HS3ST4: variants seen among roughly 807,000 people sequenced by gnomAD.
The protein encoded by HS3ST4 is heparan sulfate glucosamine 3-O-sulfotransferase 4.
In HS3ST4, 17 loss-of-function variants were observed where a neutral mutation model predicts 29.2. That is an observed-to-expected ratio of 0.58 (90% CI 0.40 to 0.87). The LOEUF (loss-of-function observed/expected upper bound fraction) is 0.87, where lower values mean the gene tolerates loss of function less well. Among genes scored for constraint, HS3ST4 ranks in the 40% least tolerant of loss-of-function variants. The pLI, the probability that HS3ST4 is intolerant of heterozygous loss-of-function variation, is 0.00. For synonymous variants in HS3ST4, 314 were observed against 285.7 expected (o/e 1.10, Z -1.00); for missense variants, 627 against 634.5 (o/e 0.99, Z 0.13).
chr16:25,902,380 C>T (rs2141673897), intron 1 of HS3ST4, among the ~76,000 whole-genome samples: 1 of 152,206 alleles, frequency 6.6e-6, no homozygotes, highest in East Asian at 1.9e-4. Context: ...TCTGTGGTCT[C>T]AGCTACTCTG....
At chr16:25,700,657 C>T (rs115717481) in intron 1 of HS3ST4, among the ~76,000 whole-genome samples, 2,111 of 152,210 alleles carry the variant, frequency 0.014, 38 homozygotes, top group African/African-American at 0.047. Context: ...TGGATGATCT[C>T]TCTGGAATGG....
At chr16:25,947,136 G>A (rs536636265) in intron 1 of HS3ST4, among the ~76,000 whole-genome samples, 9 of 152,182 alleles carry the variant, frequency 5.9e-5, no homozygotes, top group South Asian at 4.1e-4. Flanking sequence ...GGCTCTGATC[G>A]CAATGTGGAA....
At chr16:25,880,212 G>C (rs1967880337) in intron 1 of HS3ST4, among the ~76,000 whole-genome samples, 2 of 152,096 alleles carry the variant, frequency 1.3e-5, no homozygotes, top group African/African-American at 4.8e-5. Flanking sequence ...GGTTGTTCGT[G>C]TCATTAATGA....
intron 1 of HS3ST4, among the ~76,000 whole-genome samples, chr16:25,854,421 G>C (rs1258838128): frequency 1.3e-5 from 2 of 152,250 alleles, no homozygotes; most frequent in Non-Finnish European, 1.5e-5. Flanking sequence ...GATGACCCGA[G>C]GTCACTTTCA....
chr16:26,013,527 A>C (rs1208379929), intron 1 of HS3ST4, among the ~76,000 whole-genome samples: 2 of 152,176 alleles, frequency 1.3e-5, no homozygotes, highest in Non-Finnish European at 2.9e-5. Context: ...ATACAGATTC[A>C]CCCAATAGAT....
At chr16:26,041,909 G>C (rs554457997) in intron 1 of HS3ST4, among the ~76,000 whole-genome samples, 1 of 152,148 alleles carries the variant, frequency 6.6e-6, no homozygotes, top group African/African-American at 2.4e-5. Context: ...ATCCTTGCCC[G>C]ATCTCGGGAG....
intron 1 of HS3ST4, among the ~76,000 whole-genome samples, chr16:25,931,605 A>G (rs902968842): frequency 1.3e-5 from 2 of 152,226 alleles, no homozygotes; most frequent in Non-Finnish European, 2.9e-5. Flanking sequence ...AATGTGACTG[A>G]CTTCATTATG....
intron 1 of HS3ST4, among the ~76,000 whole-genome samples, chr16:25,926,096 A>T (rs1232683897): frequency 6.6e-6 from 1 of 152,220 alleles, no homozygotes. Context: ...AAACTTTACT[A>T]CATTAAATGT....
chr16:25,781,089 CTTG>C (rs1596568793), intron 1 of HS3ST4, among the ~76,000 whole-genome samples: 1 of 152,282 alleles, frequency 6.6e-6, no homozygotes, highest in East Asian at 1.9e-4. Context: ...TACAGGGCAG[CTTG>C]TTGTTATAAA....
intron 1 of HS3ST4, among the ~76,000 whole-genome samples, chr16:25,814,467 C>A (rs565529121): frequency 1.8e-4 from 28 of 152,224 alleles, no homozygotes; most frequent in Middle Eastern, 6.8e-3. Flanking sequence ...CTGCCTCAGC[C>A]TCCTGAGTAG....
chr16:25,873,943 C>A (rs1967799653), intron 1 of HS3ST4, among the ~76,000 whole-genome samples: 1 of 152,158 alleles, frequency 6.6e-6, no homozygotes, highest in South Asian at 2.1e-4. Flanking sequence ...GGGACCAACA[C>A]GTACAATAGT....
At chr16:25,837,472 GGA>G (rs1567251733) in intron 1 of HS3ST4, among the ~76,000 whole-genome samples, 1 of 152,178 alleles carries the variant, frequency 6.6e-6, no homozygotes, top group African/African-American at 2.4e-5. Flanking sequence ...TAGGGCATGG[GGA>G]GAGAGCAGAG....
At chr16:26,021,752 C>T (rs1278937314) in intron 1 of HS3ST4, among the ~76,000 whole-genome samples, 2 of 152,112 alleles carry the variant, frequency 1.3e-5, no homozygotes, top group Non-Finnish European at 2.9e-5. Flanking sequence ...CAACCTCCGC[C>T]TCCTGAGTTC....
intron 1 of HS3ST4, among the ~76,000 whole-genome samples, chr16:25,993,899 A>G (rs1222512929): frequency 6.7e-6 from 1 of 149,990 alleles, no homozygotes; most frequent in Non-Finnish European, 1.5e-5. Flanking sequence ...GTGAGGGTCC[A>G]TCTTTCTGGT....
intron 1 of HS3ST4, among the ~76,000 whole-genome samples, chr16:25,896,917 A>C (rs1968072313): frequency 6.6e-6 from 1 of 152,196 alleles, no homozygotes; most frequent in Admixed American, 6.5e-5. Context: ...CAAATACCAC[A>C]TGTTCTCACT....
rs1037807834 is a variant in HS3ST4 at position 26,119,151 on chromosome 16, C to T, written c.735-16461C>T. Among the ~76,000 whole-genome samples, 4 of 152,178 alleles carry T rather than the reference C, an allele frequency of 2.6e-5. No homozygotes were observed. In the South Asian group the frequency reaches 8.3e-4, roughly 31 times the overall value. On this transcript the variant is annotated intron_variant, in intron 1 of 1. Coordinates refer to ENST00000331351, the MANE Select transcript of HS3ST4 (RefSeq NM_006040.3). ...GCAAATAGCAGAGTTAGTATCTGAGCCCAAACATCCCACACTAAACATCCA... is the reference window on the plus strand; with the variant it reads ...GCAAATAGCAGAGTTAGTATCTGAGTCCAAACATCCCACACTAAACATCCA...
intron 1 of HS3ST4, among the ~76,000 whole-genome samples, chr16:25,963,002 A>G (rs189248538): frequency 2.0e-5 from 3 of 152,326 alleles, no homozygotes; most frequent in Admixed American, 1.3e-4. Context: ...AGGAAGGTGT[A>G]TTTATATCAA....
At chr16:25,931,913 AG>A (rs1188782762) in intron 1 of HS3ST4, among the ~76,000 whole-genome samples, 1 of 151,258 alleles carries the variant, frequency 6.6e-6, no homozygotes, top group African/African-American at 2.4e-5. Context: ...TGCTTCCAAA[AG>A]GCAGCTTGTG....
chr16:25,739,419 G>A (rs1254032631), intron 1 of HS3ST4, among the ~76,000 whole-genome samples: 1 of 152,136 alleles, frequency 6.6e-6, no homozygotes, highest in African/African-American at 2.4e-5. Context: ...GCTTAGAATT[G>A]TCTGCCAATT....
Sources: allele counts gnomAD v4.1 joint callset (sites outside exome capture counted in the v4.1 genomes callset), GRCh38; gene constraint gnomAD v4.1.1; transcripts MANE v1.5; gene names NCBI Gene and HGNC (gene_info 2026-07-23, HGNC 2026-07-21).